The following REV3L variants were observed in gnomAD, a reference collection of about 807,000 sequenced individuals.
The protein encoded by REV3L is REV3 like, DNA directed polymerase zeta catalytic subunit.
A neutral mutation model predicts 299.4 loss-of-function variants in REV3L; 69 were observed. The ratio of observed to expected loss-of-function variants is 0.23; its 90% confidence interval spans 0.19 to 0.28. The LOEUF (loss-of-function observed/expected upper bound fraction) is 0.28. Ranked by LOEUF, REV3L falls within the 10% of genes least tolerant of loss-of-function variation. The pLI is 1.00. For synonymous variants in REV3L, 1,238 were observed against 1,271.4 expected, an observed-to-expected ratio of 0.97 and a Z score of 0.56; for missense variants, 3,128 against 3,693.8, an observed-to-expected ratio of 0.85 and a Z score of 3.97.
At chr6:111,468,950 C>T (rs1240640827) in intron 1 of REV3L, among the ~76,000 whole-genome samples, 1 of 152,028 alleles carries the variant, frequency 6.6e-6, no homozygotes, top group African/African-American at 2.4e-5. Context: ...CATTTGAGGT[C>T]AGGAGTTTGA....
At chr6:111,324,527 A>G (rs1021523818) in intron 25 of REV3L, among the ~76,000 whole-genome samples, 4 of 152,206 alleles carry the variant, frequency 2.6e-5, no homozygotes, top group African/African-American at 9.7e-5. Flanking sequence ...AGTCAAATAT[A>G]CTTCTGAGAT....
At chr6:111,361,718 A>G (rs1226893461) in intron 16 of REV3L, 2 of 152,196 alleles carry the variant, frequency 1.3e-5, no homozygotes, top group Non-Finnish European at 2.9e-5. Context: ...TGCACTGAGT[A>G]CTGATGTGCA....
chr6:111,311,384 T>TA (rs1562102139), intron 28 of REV3L, 125 bp from the exon 29 acceptor site: 4 of 556,680 alleles, frequency 7.2e-6, no homozygotes, highest in Middle Eastern at 4.8e-4. Flanking sequence ...ATCTGTTACT[T>TA]ACAATGATGG....
intron 14 of REV3L, among the ~76,000 whole-genome samples, chr6:111,366,576 T>C (rs1295784117): frequency 6.6e-6 from 1 of 152,054 alleles, no homozygotes; most frequent in Non-Finnish European, 1.5e-5. Context: ...TTAGAGGACA[T>C]ATGATAAGAC....
Position 111,367,599 on chromosome 6 carries a change from T to C in REV3L, c.6189A>G (p.Thr2063=). 1 of 1,614,216 alleles carries C rather than the reference T, an allele frequency of 6.2e-7. No homozygotes were observed. Among genetic ancestry groups the C allele is most frequent in the Non-Finnish European group, 8.5e-7 (1 of 1,180,028 alleles). ...TATCAACATCCTCCTTGGTATGTGCTGTAGTGGGGAGTATACATGGACTTA... is the reference window on the plus strand; with the variant it reads ...TATCAACATCCTCCTTGGTATGTGCCGTAGTGGGGAGTATACATGGACTTA... ...MDVSPCILPT[T]AHTKEDVDNS... The change falls in exon 14 of 32, where the codon ACA becomes ACG. Residue 2063 remains threonine, a synonymous_variant. Transcript: ENST00000368802.
intron 2 of REV3L, among the ~76,000 whole-genome samples, chr6:111,415,462 G>A (rs562961097): frequency 6.6e-6 from 1 of 152,244 alleles, no homozygotes; most frequent in African/African-American, 2.4e-5. Flanking sequence ...TATAGTAGCT[G>A]GGGCCATTCA....
chr6:111,463,284 T>C (rs933972007), intron 1 of REV3L, among the ~76,000 whole-genome samples: 53 of 152,200 alleles, frequency 3.5e-4, no homozygotes, highest in Non-Finnish European at 5.9e-4. Flanking sequence ...TATTCTACCT[T>C]ATCAAGCTTC....
chr6:111,482,944 A>AGCGGCGGCGGCTCCCTCCGCAGCG lies in REV3L; in HGVS notation c.-80_-57dup, dbSNP rs1021497019. ...CTGGCGACCCGGCAGCGGCAGCAGCAGCGGCGGCGGCTCCCTCCGCAGCGG... is the reference window on the plus strand; with the variant it reads ...CTGGCGACCCGGCAGCGGCAGCAGCAGCGGCGGCGGCTCCCTCCGCAGCGGCGGCGGCGGCTCCCTCCGCAGCGG... On this transcript the variant is annotated 5_prime_UTR_variant, in exon 1 of 32. Transcript: ENST00000368802. 4.8e-6 allele frequency: 7 copies of AGCGGCGGCGGCTCCCTCCGCAGCG among 1,461,448 alleles called. No individual in the cohort carries two copies. The highest frequency in any genetic ancestry group is 6.3e-6 in the Non-Finnish European group (7 of 1,114,722). 90.5% of individuals were successfully genotyped at this position (1,461,448 alleles called of 1,614,324 possible). A position where few individuals can be genotyped will look rare whatever the true frequency, so the allele number is the denominator to read the frequency against.
chr6:111,322,763 C>G, intron 25 of REV3L, 85 bp from the exon 26 acceptor site: 1 of 880,936 alleles, frequency 1.1e-6, no homozygotes, highest in Non-Finnish European at 1.8e-6. Context: ...CATTTAATTA[C>G]TAAATATTTC....
At position 111,329,659 on chromosome 6, in the gene REV3L, T is replaced by C. The variant is rs1403630249; in HGVS notation, c.8114A>G (p.Lys2705Arg). The part of the protein sequence containing the change: ...KTRFMVKQSM[K>R]AYKQDRALSR... ...CAGGGCTCTGTCTTGCTTGTAAGCCTTCATTGACTGCTTCACCATAAATCT... is the reference window on the plus strand; with the variant it reads ...CAGGGCTCTGTCTTGCTTGTAAGCCCTCATTGACTGCTTCACCATAAATCT... The change falls in exon 25 of 32, where the codon AAG (lysine) becomes AGG (arginine). Residue 2705 changes from lysine (K) to arginine (R), a missense_variant. By Grantham distance (26) the Lys-to-Arg change is conservative. Coordinates refer to ENST00000368802, the MANE Select transcript of REV3L (RefSeq NM_001372078.1). The C allele has an allele frequency of 6.2e-7, 1 of 1,614,098 alleles. No individual in the cohort carries two copies.
intron 1 of REV3L, among the ~76,000 whole-genome samples, chr6:111,420,570 C>T (rs567321283): frequency 1.3e-5 from 2 of 152,070 alleles, no homozygotes; most frequent in Non-Finnish European, 1.5e-5. Flanking sequence ...ACAACAAGTC[C>T]AAGAGAAATA....
intron 22 of REV3L, among the ~76,000 whole-genome samples, chr6:111,333,859 A>G (rs1279945045): frequency 6.6e-6 from 1 of 152,256 alleles, no homozygotes; most frequent in Non-Finnish European, 1.5e-5. Flanking sequence ...CTTTTATAAA[A>G]ACTATAAAAC....
At position 111,376,198 on chromosome 6, in the gene REV3L, T is replaced by C. The variant is rs368439690; in HGVS notation, c.2157A>G (p.Val719=). The change falls in exon 13 of 32, where the codon GTA becomes GTG. Residue 719 remains valine (V), a synonymous_variant. Coordinates refer to ENST00000368802, the MANE Select transcript of REV3L (RefSeq NM_001372078.1). The part of the protein sequence containing the change: ...FSDLNHSKNK[V]SSEGNEKGNS... ...TTCCTTTTTCATTTCCTTCAGAGGATACTTTATTTTTTGAATGATTTAAGT... is the reference window on the plus strand; with the variant it reads ...TTCCTTTTTCATTTCCTTCAGAGGACACTTTATTTTTTGAATGATTTAAGT... 1.2e-5 allele frequency: 20 copies of C among 1,612,956 alleles called. No homozygotes were observed. Among genetic ancestry groups the C allele is most frequent in the African/African-American group, 1.3e-5 (1 of 74,880 alleles).
rs372644548 is a variant in REV3L at position 111,441,002 on chromosome 6, C to T, written c.140-24530G>A. Among the ~76,000 whole-genome samples, 185 of 152,208 alleles carry T rather than the reference C, an allele frequency of 1.2e-3. 1 individual carries two copies. The South Asian group carries it at 0.019, about 16-fold the overall frequency. ...CACATAGAAGTAAGGTGGGTTTTTT[C>T]GCCTCTGGTTTCTTTCAAAATTTTC... On this transcript the variant is annotated intron_variant, in intron 1 of 31. Coordinates refer to ENST00000368802, the MANE Select transcript of REV3L (RefSeq NM_001372078.1).
At chr6:111,433,656 C>T (rs1266094823) in intron 1 of REV3L, among the ~76,000 whole-genome samples, 1 of 152,142 alleles carries the variant, frequency 6.6e-6, no homozygotes. Flanking sequence ...TACTCAAACT[C>T]TTCAAACAAA....
At chr6:111,312,032 C>A (rs1773038748) in intron 28 of REV3L, 1 of 152,148 alleles carries the variant, frequency 6.6e-6, no homozygotes, top group African/African-American at 2.4e-5. Flanking sequence ...TCTCGATCTC[C>A]TGACCTCATG....
chr6:111,349,147 T>A (rs1777330617), intron 20 of REV3L, 71 bp downstream of exon 20: 1 of 803,052 alleles, frequency 1.2e-6, no homozygotes, highest in Admixed American at 1.9e-5. Flanking sequence ...TTACTAATAC[T>A]CTATAATGAT....
At chr6:111,324,131 C>G (rs939756684) in intron 25 of REV3L, among the ~76,000 whole-genome samples, 1 of 152,124 alleles carries the variant, frequency 6.6e-6, no homozygotes, top group Admixed American at 6.5e-5. Context: ...TCCCGAATAG[C>G]TGGGATTACA....
At chr6:111,422,609 TATAC>T (rs778777253) in intron 1 of REV3L, among the ~76,000 whole-genome samples, 1,040 of 19,338 alleles carry the variant, frequency 0.054, 163 homozygotes, top group East Asian at 0.16. Context: ...TATATATATA[TATAC>T]ACATATATAT....
Sources: gnomAD v4.1 joint callset for allele counts (sites outside exome capture counted in the v4.1 genomes callset) on GRCh38, gnomAD v4.1.1 for gene constraint, MANE v1.5 for transcripts, NCBI Gene and HGNC (gene_info 2026-07-23, HGNC 2026-07-21) for gene names.